Variants in DOCK8 observed in about 807,000 individuals in gnomAD.
DOCK8 encodes dedicator of cytokinesis 8.
A neutral mutation model predicts 245.6 loss-of-function variants in DOCK8; 141 were observed. The ratio of observed to expected loss-of-function variants is 0.57; its 90% confidence interval spans 0.50 to 0.66. DOCK8 has a LOEUF of 0.66. DOCK8 is among the 30% of genes least tolerant of loss of function. The pLI, the probability that DOCK8 is intolerant of heterozygous loss-of-function variation, is 0.00. For missense variants in DOCK8, 2,965 were observed against 2,603.4 expected (o/e 1.14, Z -3.02); for synonymous variants, 1,168 against 970.2 (o/e 1.20, Z -3.79).
intron 29 of DOCK8, 38 bp from the exon 30 acceptor site, chr9:418,030 T>C (rs754750725): frequency 3.7e-6 from 6 of 1,613,794 alleles, no homozygotes; most frequent in Non-Finnish European, 5.1e-6. Context: ...GGAAATGTCA[T>C]GTTTGACTTG....
At chr9:418,686 G>C (rs1264659122) in intron 30 of DOCK8, among the ~76,000 whole-genome samples, 1 of 152,212 alleles carries the variant, frequency 6.6e-6, no homozygotes, top group Non-Finnish European at 1.5e-5. Context: ...AAGTCAGAAA[G>C]GGTTCTGGCA....
At chr9:247,296 A>C (rs1013072426) in intron 1 of DOCK8, among the ~76,000 whole-genome samples, 1 of 152,158 alleles carries the variant, frequency 6.6e-6, no homozygotes, top group Non-Finnish European at 1.5e-5. Context: ...TCAGATTATG[A>C]ATATCTATTT....
intron 5 of DOCK8, among the ~76,000 whole-genome samples, chr9:308,651 A>G (rs979765503): frequency 1.3e-5 from 2 of 152,076 alleles, no homozygotes; most frequent in Admixed American, 6.5e-5. Flanking sequence ...TTCTCTTCCA[A>G]TTAATACGTG....
At chr9:308,809 C>T (rs2049966429) in intron 5 of DOCK8, among the ~76,000 whole-genome samples, 1 of 152,154 alleles carries the variant, frequency 6.6e-6, no homozygotes, top group Admixed American at 6.5e-5. Context: ...AGGCATGTGC[C>T]ACGACACCCG....
At chr9:340,485 G>C in intron 14 of DOCK8, 164 bp downstream of exon 14, 1 of 838,388 alleles carries the variant, frequency 1.2e-6, no homozygotes, top group Non-Finnish European at 1.9e-6. Context: ...GCTGGGCATG[G>C]TGGTGCATGC....
At chr9:295,202 G>A (rs777887510) in intron 4 of DOCK8, among the ~76,000 whole-genome samples, 8 of 151,860 alleles carry the variant, frequency 5.3e-5, no homozygotes, top group African/African-American at 7.3e-5. Context: ...AAAGATAACT[G>A]CATGATTCCA....
In DOCK8 at chr9:216,032, G is replaced by C. The variant is rs141297366; in HGVS notation, c.53+1003G>C. On this transcript the variant is annotated intron_variant, in intron 1 of 47. Transcript: ENST00000432829. ...GTGCTGTTAGTGTGTGAAGAGGTTT[G>C]AACAAGGAATTAAAAGCCTAGAAAA... 2.5e-4 allele frequency among the ~76,000 whole-genome samples: 38 copies of C among 152,260 alleles called. 1 individual carries two copies. Among genetic ancestry groups the C allele is most frequent in the African/African-American group, 9.1e-4 (38 of 41,544 alleles).
At chr9:389,691 G>A (rs1756145678) in intron 23 of DOCK8, among the ~76,000 whole-genome samples, 1 of 152,104 alleles carries the variant, frequency 6.6e-6, no homozygotes, top group African/African-American at 2.4e-5. Flanking sequence ...GGGCCCCCCA[G>A]TCTGTGTTTC....
chr9:309,479 C>T (rs1162967150), intron 5 of DOCK8, among the ~76,000 whole-genome samples: 1 of 152,072 alleles, frequency 6.6e-6, no homozygotes, highest in Non-Finnish European at 1.5e-5. Flanking sequence ...TACCATTAAT[C>T]CATTTGTAGT....
At chr9:332,547 C>T (rs770189184) in intron 10 of DOCK8, 69 bp downstream of exon 10, 3 of 1,070,376 alleles carry the variant, frequency 2.8e-6, no homozygotes, top group Non-Finnish European at 2.8e-6. Context: ...AAGTGTTACA[C>T]AAATAGTTAA....
chr9:425,706 A>C (rs1357294636), intron 33 of DOCK8, among the ~76,000 whole-genome samples: 1 of 149,482 alleles, frequency 6.7e-6, no homozygotes, highest in Non-Finnish European at 1.5e-5. Flanking sequence ...TCAGTGAGCT[A>C]TGATAGTGCC....
chr9:271,516 A>G, intron 1 of DOCK8, 111 bp from the exon 2 acceptor site: 1 of 837,918 alleles, frequency 1.2e-6, no homozygotes. Context: ...AGTTCTGCTC[A>G]TTGCCCAGCC....
chr9:370,764 C>T (rs954022664), intron 16 of DOCK8, among the ~76,000 whole-genome samples: 1 of 152,136 alleles, frequency 6.6e-6, no homozygotes, highest in Non-Finnish European at 1.5e-5. Flanking sequence ...GGATAATGCC[C>T]ACCCTATTAT....
intron 1 of DOCK8, among the ~76,000 whole-genome samples, chr9:254,681 T>C (rs990391592): frequency 2.0e-5 from 3 of 152,210 alleles, no homozygotes; most frequent in Non-Finnish European, 2.9e-5. Flanking sequence ...TAGAACCACA[T>C]TGACTCACAT....
chr9:423,520 G>A (rs1409227732), intron 33 of DOCK8, among the ~76,000 whole-genome samples: 3 of 152,200 alleles, frequency 2.0e-5, no homozygotes, highest in Non-Finnish European at 2.9e-5. Context: ...GTAAATAAAT[G>A]TGAGTTAATA....
chr9:389,805 C>G (rs1448278474), intron 23 of DOCK8, among the ~76,000 whole-genome samples: 3 of 151,806 alleles, frequency 2.0e-5, no homozygotes, highest in East Asian at 1.9e-4. Context: ...TGCTTGAGCT[C>G]AGGAGTTTGA....
chr9:245,150 T>G (rs2047478400), intron 1 of DOCK8, among the ~76,000 whole-genome samples: 1 of 152,204 alleles, frequency 6.6e-6, no homozygotes, highest in Non-Finnish European at 1.5e-5. Context: ...TGTAGTTGTT[T>G]TCAGCCGACA....
rs2056228948 is a variant in DOCK8 at position 420,434 on chromosome 9, A to G, written c.3874A>G (p.Thr1292Ala). The G allele has an allele frequency of 8.1e-6, 13 of 1,614,198 alleles. No individual in the cohort carries two copies. The highest frequency in any genetic ancestry group is 6.7e-5 in the African/African-American group (5 of 75,050). ...GCAGTACAACATGCTGAACGCGGAC[A>G]CTACTCGCAACCTCATGATCTGCTT... ...YKQYNMLNAD[T>A]TRNLMICFLW... Residue 1292 changes from threonine (T) to alanine (A), a missense_variant, in exon 31 of 48, where the codon ACT becomes GCT. Physicochemically the swap from Thr to Ala is moderately conservative, Grantham distance 58. Transcript: ENST00000432829.
At chr9:347,841 G>A (rs1048803460) in intron 14 of DOCK8, among the ~76,000 whole-genome samples, 2 of 152,120 alleles carry the variant, frequency 1.3e-5, no homozygotes, top group Non-Finnish European at 2.9e-5. Flanking sequence ...AATTGCCTAA[G>A]GTTATGACAG....
Sources: gnomAD v4.1 joint callset for allele counts (sites outside exome capture counted in the v4.1 genomes callset) on GRCh38, gnomAD v4.1.1 for gene constraint, MANE v1.5 for transcripts, NCBI Gene and HGNC (gene_info 2026-07-23, HGNC 2026-07-21) for gene names.